Variants in WDR62 observed in about 807,000 individuals in gnomAD.
WDR62 encodes WD repeat-containing protein 62.
WDR62 carries 112 observed loss-of-function variants against 160.6 expected under a neutral mutation model. The ratio of observed to expected loss-of-function variants is 0.70; its 90% CI spans 0.60 to 0.82. The LOEUF (loss-of-function observed/expected upper bound fraction) is 0.82. Among genes scored for constraint, WDR62 ranks in the 40% least tolerant of loss-of-function variants. The pLI, the probability that WDR62 is intolerant of heterozygous loss-of-function variation, is 0.00. For synonymous variants in WDR62, 792 were observed against 815.1 expected (o/e 0.97, Z 0.48); for missense variants, 1,819 against 1,983.8 (o/e 0.92, Z 1.58).
chr19:36,106,868 C>G (rs1198536338), downstream of WDR62, among the ~76,000 whole-genome samples: 2 of 152,198 alleles, frequency 1.3e-5, no homozygotes, highest in South Asian at 4.1e-4. Context: ...TTATTTCTCA[C>G]GACTCTGCCT....
chr19:36,108,844 G>C (rs1282636536), downstream of WDR62, among the ~76,000 whole-genome samples: 1 of 129,380 alleles, frequency 7.7e-6, no homozygotes, highest in Non-Finnish European at 1.6e-5. Context: ...ACAAAGCAAG[G>C]CCCTGTCTCA....
intron 22 of WDR62, among the ~76,000 whole-genome samples, chr19:36,100,449 C>T (rs368450824): frequency 2.6e-5 from 4 of 152,200 alleles, no homozygotes; most frequent in Non-Finnish European, 2.9e-5. Context: ...GTCAGGTCCC[C>T]GCACCAGGAT....
rs988077930 is a variant in WDR62, at chr19:36,058,806, C to T, written c.204C>T (p.Ile68=). 2.5e-6 allele frequency: 4 copies of T among 1,614,098 alleles called. No homozygotes were observed. The Admixed American group carries it at 5.0e-5, about 20-fold the overall frequency. ...TGTCACTCGAGAAGGTGCTTGGCATCACAGCCCAGAACAGCAGTGGCCTAA... is the reference window on the plus strand; with the variant it reads ...TGTCACTCGAGAAGGTGCTTGGCATTACAGCCCAGAACAGCAGTGGCCTAA... ...NRVSLEKVLG[I]TAQNSSGLTC... Residue 68 remains isoleucine (I), a synonymous_variant, in exon 2 of 32, where the codon ATC becomes ATT. Transcript: ENST00000401500.
At chr19:36,110,386 G>A in the WDR62 span, among the ~76,000 whole-genome samples, 4 of 151,774 alleles carry the variant, frequency 2.6e-5, no homozygotes, top group Non-Finnish European at 5.9e-5. Flanking sequence ...CAGGAGAATC[G>A]TTTGAACCCG....
In WDR62 at chr19:36,067,952, C is replaced by T. The variant is rs202014178; in HGVS notation, c.824C>T (p.Ser275Leu). 2.1e-4 allele frequency: 339 copies of T among 1,614,154 alleles called. 2 individuals are homozygous for T. The South Asian group carries it at 2.2e-3, about 11-fold the overall frequency. The part of the protein sequence containing the change: ...MAGSTFCVSY[S>L]GLLCQFNEKR... ...GGCAGTACCTTCTGTGTGTCCTACT[C>T]GGGCCTCCTCTGCCAGTTCAATGAG... Residue 275 changes from serine to leucine, a missense_variant, in exon 7 of 32, where the codon TCG becomes TTG. By Grantham distance (145) the Ser-to-Leu change is moderately radical. This residue lies in a region of WDR62 where 934 missense variants were observed against 1,157.2 expected (regional missense o/e 0.81). Transcript: ENST00000401500.
At chr19:36,068,078 C>T (rs1038897936) in intron 7 of WDR62, 68 bp downstream of exon 7, 13 of 1,542,938 alleles carry the variant, frequency 8.4e-6, no homozygotes, top group African/African-American at 1.4e-5. Flanking sequence ...CAGGGGTGCT[C>T]ATCAGCATTG....
chr19:36,109,533 A>C (rs886268228), downstream of WDR62, among the ~76,000 whole-genome samples: 2 of 151,876 alleles, frequency 1.3e-5, no homozygotes, highest in Non-Finnish European at 2.9e-5. Flanking sequence ...CAGGAGTTTG[A>C]GACCAGCCTG....
intron 7 of WDR62, 75 bp downstream of exon 7, chr19:36,068,085 A>G (rs1354788854): frequency 4.6e-6 from 7 of 1,525,290 alleles, no homozygotes; most frequent in Non-Finnish European, 6.3e-6. Flanking sequence ...GCTCATCAGC[A>G]TTGACCACAC....
intron 1 of WDR62, among the ~76,000 whole-genome samples, chr19:36,056,865 A>C (rs1002320120): frequency 5.4e-5 from 8 of 148,456 alleles, no homozygotes; most frequent in African/African-American, 1.0e-4. Context: ...GCTGTAGTGC[A>C]CTGGGTTGAT....
rs373693641 is a variant in WDR62, at chr19:36,073,536, GCC to G, written c.1233+14_1233+15del. On this transcript the variant is annotated splice_donor_region_variant and intron_variant, in intron 9 of 31. Transcript: ENST00000401500. ...TCCTACGTTTGGAACGTGGAGGTGAGCCCCCCCCCCACCCCCTTGCCCCTGCT... is the reference window on the plus strand; with the variant it reads ...TCCTACGTTTGGAACGTGGAGGTGAGCCCCCCCCACCCCCTTGCCCCTGCT... 5.4e-6 allele frequency: 7 copies of G among 1,304,566 alleles called. No individual in the cohort carries two copies. Among genetic ancestry groups the G allele is most frequent in the African/African-American group, 1.5e-5 (1 of 67,222 alleles). 80.8% of individuals were successfully genotyped at this position (1,304,566 alleles called of 1,614,324 possible). A position where few individuals can be genotyped will look rare whatever the true frequency, so the allele number is the denominator to read the frequency against.
At chr19:36,095,276 AC>A (rs1568361353) in intron 20 of WDR62, among the ~76,000 whole-genome samples, 9 of 152,114 alleles carry the variant, frequency 5.9e-5, no homozygotes, top group Admixed American at 5.9e-4. Context: ...GGGAAAAGAT[AC>A]CCCCAGCAAC....
intron 22 of WDR62, among the ~76,000 whole-genome samples, chr19:36,100,483 A>C (rs963870011): frequency 6.6e-6 from 1 of 152,172 alleles, no homozygotes; most frequent in Non-Finnish European, 1.5e-5. Context: ...ACCTCTCACC[A>C]AGGACTGGGT....
intron 19 of WDR62, among the ~76,000 whole-genome samples, chr19:36,093,253 G>A (rs1972747060): frequency 6.6e-6 from 1 of 151,900 alleles, no homozygotes; most frequent in South Asian, 2.1e-4. Flanking sequence ...CAGCCAAGGG[G>A]AGGGGTGGGT....
At chr19:36,062,219 T>G (rs1970685662) in intron 3 of WDR62, 4 of 152,232 alleles carry the variant, frequency 2.6e-5, no homozygotes, top group Admixed American at 2.6e-4. Context: ...GTGCTAGGAT[T>G]ACAGGTGCGA....
intron 9 of WDR62, among the ~76,000 whole-genome samples, chr19:36,076,581 GAA>G (rs1027020369): frequency 6.6e-6 from 1 of 151,432 alleles, no homozygotes; most frequent in African/African-American, 2.4e-5. Context: ...AGAAAAAAGA[GAA>G]AGAGAAGGCC....
At chr19:36,055,205 T>G (rs1970291255) in intron 1 of WDR62, 57 bp downstream of exon 1, 1 of 1,548,546 alleles carries the variant, frequency 6.5e-7, no homozygotes, top group Non-Finnish European at 8.7e-7. Context: ...TTTCCCCTAG[T>G]CCCGTCCTGA....
At chr19:36,082,397 G>C (rs1971950644) in intron 10 of WDR62, among the ~76,000 whole-genome samples, 1 of 152,152 alleles carries the variant, frequency 6.6e-6, no homozygotes, top group South Asian at 2.1e-4. Flanking sequence ...TCTATACTTA[G>C]GGAATAGCCT....
chr19:36,085,377 A>G (rs1232936226), intron 12 of WDR62, among the ~76,000 whole-genome samples: 4 of 140,886 alleles, frequency 2.8e-5, no homozygotes, highest in African/African-American at 1.0e-4. Flanking sequence ...TGGCCTCCCA[A>G]AGCGCTGGGA....
chr19:36,074,000 T>G, intron 9 of WDR62: 1 of 327,822 alleles, frequency 3.1e-6, no homozygotes, highest in South Asian at 2.5e-5. Context: ...CACTGCTTTT[T>G]TTAAAAAGGA....
Sources: gnomAD v4.1 joint callset for allele counts (sites outside exome capture counted in the v4.1 genomes callset) on GRCh38, gnomAD v4.1.1 for gene constraint, gnomAD v4.1.1 regional missense constraint, MANE v1.5 for transcripts, NCBI Gene and HGNC (gene_info 2026-07-23, HGNC 2026-07-21) for gene names.